Variants in HEATR5A observed in about 807,000 individuals in gnomAD.
HEATR5A encodes the protein HEAT repeat containing 5A, also known as HEAT repeat-containing protein 5A.
In HEATR5A, 178 loss-of-function variants were observed where a neutral mutation model predicts 218.8. The ratio of observed to expected loss-of-function variants is 0.81; its 90% confidence interval spans 0.72 to 0.92. The LOEUF is 0.92. HEATR5A is among the 40% of genes least tolerant of loss of function. The pLI, the probability that HEATR5A is intolerant of heterozygous loss-of-function variation, is 0.00. For missense variants in HEATR5A, 2,420 were observed against 2,418.9 expected, an observed-to-expected ratio of 1.00 and a Z score of -0.01; for synonymous variants, 864 against 871.6, an observed-to-expected ratio of 0.99 and a Z score of 0.15.
intron 17 of HEATR5A, among the ~76,000 whole-genome samples, chr14:31,350,205 T>C (rs1901172044): frequency 3.3e-5 from 5 of 152,180 alleles, no homozygotes; most frequent in Admixed American, 3.3e-4. Flanking sequence ...CGGTAATCAA[T>C]TATCATTAAG....
chr14:31,319,119 T>G (rs1395497724), intron 25 of HEATR5A, among the ~76,000 whole-genome samples: 2 of 152,216 alleles, frequency 1.3e-5, no homozygotes, highest in African/African-American at 4.8e-5. Flanking sequence ...CTTAATTAAG[T>G]TGAATTATAA....
chr14:31,337,503 T>C lies in HEATR5A; in HGVS notation c.3340A>G (p.Lys1114Glu), dbSNP rs201943486. 1.8e-4 allele frequency: 273 copies of C among 1,554,958 alleles called. No homozygotes were observed. In the African/African-American group the frequency reaches 3.4e-3, roughly 19 times the overall value. ...EVSEHAVMLA[K>E]DSREELTPDA... is the part of the protein sequence containing the mutation. ...GGAGTCAACTCTTCTCTGCTATCCT[T>C]AGCAAGCATAACAGCATGTTCTGAA... Residue 1114 changes from lysine (K) to glutamate (E), a missense_variant, in exon 22 of 36, where the codon AAG (lysine) becomes GAG (glutamate). Physicochemically the swap from Lys to Glu is moderately conservative, Grantham distance 56. Coordinates refer to ENST00000543095, the MANE Select transcript of HEATR5A (RefSeq NM_015473.4).
intron 13 of HEATR5A, among the ~76,000 whole-genome samples, chr14:31,368,792 C>T (rs191204930): frequency 2.0e-5 from 3 of 151,784 alleles, no homozygotes; most frequent in Non-Finnish European, 4.4e-5. Context: ...AAATCCCTGA[C>T]CTCAAGCAAT....
chr14:31,304,984 T>C lies in HEATR5A; in HGVS notation c.5160A>G (p.Ile1720Met). Residue 1720 changes from isoleucine to methionine, a missense_variant, in exon 32 of 36, where the codon ATA becomes ATG. Coordinates refer to ENST00000543095, the MANE Select transcript of HEATR5A (RefSeq NM_015473.4). ...SPGVKATKPQ[I>M]LLEDGSRLVS... ...CCAATCTACTTCCATCTTCTAATAG[T>C]ATCTGTGGCTTCGTAGCTTTTACTC... 2.5e-6 allele frequency: 4 copies of C among 1,613,998 alleles called. No homozygotes were observed. Among genetic ancestry groups the C allele is most frequent in the Non-Finnish European group, 2.5e-6 (3 of 1,179,894 alleles).
chr14:31,382,147 AC>A (rs2030017070), intron 10 of HEATR5A, among the ~76,000 whole-genome samples: 1 of 152,252 alleles, frequency 6.6e-6, no homozygotes. Context: ...GGGAATGGGA[AC>A]CTTGTCTGAA....
At chr14:31,332,797 C>A (rs536878651) in intron 22 of HEATR5A, among the ~76,000 whole-genome samples, 2 of 152,084 alleles carry the variant, frequency 1.3e-5, no homozygotes, top group Non-Finnish European at 2.9e-5. Context: ...ACCAGCCTAG[C>A]CAACATGATG....
At chr14:31,362,789 C>CA (rs1304502060) in intron 14 of HEATR5A, among the ~76,000 whole-genome samples, 9 of 139,944 alleles carry the variant, frequency 6.4e-5, no homozygotes, top group East Asian at 4.0e-4. Flanking sequence ...AAAAAAAAAA[C>CA]AAAAAAAAGA....
In HEATR5A at chr14:31,398,444, G is replaced by A. The variant is rs77362118; in HGVS notation, c.447+229C>T. ...AAGTGGAATACGTTAGTTTTCGCCC[G>A]CTTGGATTTATATGAATACATGAAA... On this transcript the variant is annotated intron_variant, in intron 4 of 35. Transcript: ENST00000543095. 0.01 allele frequency among the ~76,000 whole-genome samples: 1,583 copies of A among 152,238 alleles called. 20 individuals are homozygous for A. The highest frequency in any genetic ancestry group is 0.035 in the African/African-American group (1,444 of 41,538).
chr14:31,306,304 A>C (rs972542547), intron 31 of HEATR5A, among the ~76,000 whole-genome samples: 2 of 152,114 alleles, frequency 1.3e-5, no homozygotes, highest in Non-Finnish European at 2.9e-5. Flanking sequence ...ACATGGCCAC[A>C]TCCCGTCTCT....
chr14:31,416,866 C>A (rs1419945926), intron 1 of HEATR5A, among the ~76,000 whole-genome samples: 1 of 152,084 alleles, frequency 6.6e-6, no homozygotes, highest in Non-Finnish European at 1.5e-5. Flanking sequence ...CTCTGGGAGG[C>A]CGAGATGAGG....
At chr14:31,314,237 C>T (rs779423245) in intron 27 of HEATR5A, among the ~76,000 whole-genome samples, 5 of 151,788 alleles carry the variant, frequency 3.3e-5, no homozygotes, top group South Asian at 2.1e-4. Context: ...CGTGAGCCAC[C>T]GCGCTGAGGT....
At chr14:31,294,417 C>T (rs1228502509) in intron 34 of HEATR5A, among the ~76,000 whole-genome samples, 1 of 131,544 alleles carries the variant, frequency 7.6e-6, no homozygotes, top group African/African-American at 2.8e-5. Flanking sequence ...CCACCAAAAC[C>T]CCTCCTGTAA....
At chr14:31,418,371 T>A (rs1362533509) in intron 1 of HEATR5A, among the ~76,000 whole-genome samples, 1 of 152,224 alleles carries the variant, frequency 6.6e-6, no homozygotes, top group Non-Finnish European at 1.5e-5. Flanking sequence ...TTGGGAGCCA[T>A]ACGGTCTCTA....
chr14:31,402,830 G>C lies in HEATR5A; in HGVS notation c.126+20C>G. On this transcript the variant is annotated intron_variant, in intron 2 of 35. Coordinates refer to ENST00000543095, the MANE Select transcript of HEATR5A (RefSeq NM_015473.4). ...ACATGGGCACTTAAACAAAAAAACA[G>C]ATGTTGTCATTTTACCCACCCTGCT... 6.5e-7 allele frequency: 1 copy of C among 1,535,740 alleles called. No individual in the cohort carries two copies. Among genetic ancestry groups the C allele is most frequent in the Non-Finnish European group, 8.7e-7 (1 of 1,146,482 alleles).
intron 32 of HEATR5A, 99 bp downstream of exon 32, chr14:31,304,806 C>T: frequency 1.7e-6 from 2 of 1,178,484 alleles, no homozygotes; most frequent in East Asian, 5.0e-5. Context: ...TTTGGGTCAG[C>T]ATTCATTTAA....
rs565486256 is a variant in HEATR5A at position 31,351,981 on chromosome 14, A to G, written c.2412-1264T>C. ...ATATACACATACTAAAATTTATTCA[A>G]CCACTCTGCTACTGGTGAGAAAAAT... On this transcript the variant is annotated intron_variant, in intron 16 of 35. Coordinates refer to ENST00000543095, the MANE Select transcript of HEATR5A (RefSeq NM_015473.4). 2.4e-4 allele frequency among the ~76,000 whole-genome samples: 37 copies of G among 152,250 alleles called. No homozygotes were observed. The South Asian group carries it at 7.1e-3, about 29-fold the overall frequency.
At chr14:31,416,805 A>T (rs948506327) in intron 1 of HEATR5A, among the ~76,000 whole-genome samples, 5 of 152,152 alleles carry the variant, frequency 3.3e-5, no homozygotes, top group Admixed American at 6.5e-5. Context: ...ATTCCTGTTT[A>T]AAAAACTCTT....
At position 31,359,327 on chromosome 14, in the gene HEATR5A, C is replaced by T. The variant is rs1305243092; in HGVS notation, c.2072-270G>A. Among the ~76,000 whole-genome samples, 3 of 143,340 alleles carry T rather than the reference C, an allele frequency of 2.1e-5. No individual in the cohort carries two copies. The East Asian group carries it at 6.4e-4, about 31-fold the overall frequency. 94.0% of individuals were successfully genotyped at this position (143,340 alleles called of 152,430 possible). A position where few individuals can be genotyped will look rare whatever the true frequency, so the allele number is the denominator to read the frequency against. On this transcript the variant is annotated intron_variant, in intron 14 of 35. Transcript: ENST00000543095. ...GTGTGTGTGTGTGTGTGTGTGTGTA[C>T]ATACCTTAAGGTATAACATGACATA...
At chr14:31,322,258 T>C (rs1368240027) in intron 24 of HEATR5A, among the ~76,000 whole-genome samples, 11 of 152,180 alleles carry the variant, frequency 7.2e-5, no homozygotes, top group Non-Finnish European at 1.5e-4. Context: ...TGGAGAGATA[T>C]AAGAAAATCA....
Sources: gnomAD v4.1 joint callset for allele counts (sites outside exome capture counted in the v4.1 genomes callset) on GRCh38, gnomAD v4.1.1 for gene constraint, MANE v1.5 for transcripts, NCBI Gene and HGNC (gene_info 2026-07-23, HGNC 2026-07-21) for gene names.